ACOX1: variants seen among roughly 807,000 people sequenced by gnomAD.
ACOX1 encodes peroxisomal acyl-coenzyme A oxidase 1.
ACOX1 carries 41 observed loss-of-function variants against 75.5 expected under a neutral mutation model. That is an observed-to-expected ratio of 0.54 (90% confidence interval 0.42 to 0.70). The LOEUF is 0.70. Among genes scored for constraint, ACOX1 ranks in the 30% least tolerant of loss-of-function variants. ACOX1 has a pLI of 0.00. For synonymous variants in ACOX1, 303 were observed against 298.8 expected, an observed-to-expected ratio of 1.01 and a Z score of -0.15; for missense variants, 630 against 837.5, an observed-to-expected ratio of 0.75 and a Z score of 3.06.
chr17:75,944,001 C>G lies in ACOX1; in HGVS notation c.*2747G>C, dbSNP rs933461460. On this transcript the variant is annotated 3_prime_UTR_variant, in exon 14 of 14. Coordinates refer to ENST00000293217, the MANE Select transcript of ACOX1 (RefSeq NM_004035.7). ...ATCTCAGCACTTTGGGAGGCTGAGGCGAAATGATCGCTTGAGCCCAGGAGT... is the reference window on the plus strand; with the variant it reads ...ATCTCAGCACTTTGGGAGGCTGAGGGGAAATGATCGCTTGAGCCCAGGAGT... 6.6e-6 allele frequency: 1 copy of G among 152,134 alleles called. No homozygotes were observed. The highest frequency in any genetic ancestry group is 1.5e-5 in the Non-Finnish European group (1 of 68,056). The allele number at this position is 152,134 out of a possible 1,614,324, so 9.4% of individuals were successfully genotyped here.
intron 2 of ACOX1, among the ~76,000 whole-genome samples, chr17:75,969,154 C>CTTAT (rs543142027): frequency 6.6e-4 from 100 of 152,056 alleles, no homozygotes; most frequent in Middle Eastern, 3.4e-3. Context: ...AATACAGCGT[C>CTTAT]TTATTTATTT....
chr17:75,977,387 G>A (rs1026422405), intron 2 of ACOX1, among the ~76,000 whole-genome samples: 4 of 151,790 alleles, frequency 2.6e-5, no homozygotes, highest in African/African-American at 7.3e-5. Flanking sequence ...GCAACATGGC[G>A]AAACCCCATC....
At chr17:75,977,515 G>C (rs890239809) in intron 2 of ACOX1, among the ~76,000 whole-genome samples, 2 of 152,054 alleles carry the variant, frequency 1.3e-5, no homozygotes, top group Non-Finnish European at 2.9e-5. Flanking sequence ...GGAGTGAGCC[G>C]AGATCGTGCC....
intron 6 of ACOX1, among the ~76,000 whole-genome samples, chr17:75,955,132 G>C (rs909918239): frequency 4.6e-5 from 7 of 151,092 alleles, no homozygotes; most frequent in African/African-American, 1.7e-4. Flanking sequence ...CCTCCCAAAA[G>C]TGCTGGAATT....
Position 75,960,171 on chromosome 17 carries a change from A to G in ACOX1, c.430+44T>C, listed in dbSNP as rs933768341. 1 of 1,612,656 alleles carries G rather than the reference A, an allele frequency of 6.2e-7. No homozygotes were observed. The highest frequency in any genetic ancestry group is 8.5e-7 in the Non-Finnish European group (1 of 1,179,448). On this transcript the variant is annotated intron_variant, in intron 3 of 13. Coordinates refer to ENST00000293217, the MANE Select transcript of ACOX1 (RefSeq NM_004035.7). This position sits in a 1 kb window ranked among gnomAD's most constrained non-coding sequence, Gnocchi z 4.4. ...TGGGCACTCCACACATGGTAAGCTC[A>G]CAGGGGCCCGCCCAACCCAGAAGGT...
At chr17:75,962,965 T>C (rs1357827327) in intron 2 of ACOX1, among the ~76,000 whole-genome samples, 1 of 151,980 alleles carries the variant, frequency 6.6e-6, no homozygotes, top group African/African-American at 2.4e-5. Context: ...ACCCCATCTC[T>C]ACTAAAAATA....
intron 3 of ACOX1, among the ~76,000 whole-genome samples, chr17:75,958,807 CAAAAAAA>C (rs60077017): frequency 1.2e-5 from 1 of 86,376 alleles, no homozygotes; most frequent in East Asian, 3.2e-4. Flanking sequence ...GACTCCGTCT[CAAAAAAA>C]AAAAAAAAAA....
intron 6 of ACOX1, 148 bp from the exon 7 acceptor site, chr17:75,953,768 A>G: frequency 1.0e-6 from 1 of 959,438 alleles, no homozygotes; most frequent in Non-Finnish European, 1.6e-6. Context: ...ACCCTGACCA[A>G]CTGAATCAGA....
At position 75,945,454 on chromosome 17, in the gene ACOX1, G is replaced by A. The variant is rs1351941746; in HGVS notation, c.*1294C>T. On this transcript the variant is annotated 3_prime_UTR_variant, in exon 14 of 14. Coordinates refer to ENST00000293217, the MANE Select transcript of ACOX1 (RefSeq NM_004035.7). ...CCAGGATAGATAGATATTATGTCAG[G>A]TCCCAAGATAGGAGTTATGTTTCCA... 1 of 151,994 alleles carries A rather than the reference G, an allele frequency of 6.6e-6. No homozygotes were observed. The highest frequency in any genetic ancestry group is 1.9e-4 in the East Asian group (1 of 5,186). The allele number at this position is 151,994 out of a possible 1,614,324, so 9.4% of individuals were successfully genotyped here.
chr17:75,965,913 T>C (rs1168871346), intron 2 of ACOX1, among the ~76,000 whole-genome samples: 2 of 151,446 alleles, frequency 1.3e-5, no homozygotes, highest in Non-Finnish European at 2.9e-5. Context: ...GCAGATCACC[T>C]GAGGTCAAGA....
At chr17:75,956,019 AAAG>A in intron 4 of ACOX1, 72 bp from the exon 5 acceptor site, 1 of 1,598,506 alleles carries the variant, frequency 6.3e-7, no homozygotes, top group Non-Finnish European at 8.6e-7. Flanking sequence ...AAAAAAGAAG[AAAG>A]AATATGTTAA....
chr17:75,953,722 C>G, intron 6 of ACOX1, 102 bp from the exon 7 acceptor site: 3 of 1,373,280 alleles, frequency 2.2e-6, no homozygotes, highest in Non-Finnish European at 3.1e-6. Flanking sequence ...TCAGCATCAC[C>G]TGGCAACTTG....
intron 7 of ACOX1, 21 bp from the exon 8 acceptor site, chr17:75,951,598 A>G (rs1252198477): frequency 6.2e-7 from 1 of 1,613,380 alleles, no homozygotes; most frequent in Middle Eastern, 1.7e-4. Flanking sequence ...TAGAAAAAGA[A>G]AAAAAGTAGT....
chr17:75,960,183 C>T lies in ACOX1; in HGVS notation c.430+32G>A. 6.2e-7 allele frequency: 1 copy of T among 1,613,578 alleles called. No individual in the cohort carries two copies. Among genetic ancestry groups the T allele is most frequent in the Non-Finnish European group, 8.5e-7 (1 of 1,179,806 alleles). On this transcript the variant is annotated intron_variant, in intron 3 of 13. Transcript: ENST00000293217. This position sits in a 1 kb window ranked among gnomAD's most constrained non-coding sequence, Gnocchi z 4.4. ...ACATGGTAAGCTCACAGGGGCCCGC[C>T]CAACCCAGAAGGTAGACTGAATACT...
chr17:75,954,494 G>C (rs2065804548), intron 6 of ACOX1, among the ~76,000 whole-genome samples: 1 of 138,200 alleles, frequency 7.2e-6, no homozygotes. Flanking sequence ...CTGCACTCCA[G>C]CATGGGTGAC....
intron 2 of ACOX1, chr17:75,973,624 C>T (rs2066017088): frequency 1.2e-6 from 2 of 1,614,172 alleles, no homozygotes; most frequent in South Asian, 1.1e-5. Flanking sequence ...TGTGGACTAA[C>T]CGTGGCCCAT....
Position 75,961,981 on chromosome 17 carries a change from T to C in ACOX1, c.270-1606A>G, listed in dbSNP as rs149490827. 3.3e-3 allele frequency among the ~76,000 whole-genome samples: 508 copies of C among 152,198 alleles called. 3 individuals are homozygous for C. Among genetic ancestry groups the C allele is most frequent in the African/African-American group, 0.012 (493 of 41,524 alleles). The stretch of plus-strand genomic sequence containing the variant: ...TCAGAGTGACAGTATGACCCCCAGA[T>C]TATAGTTTTTCCTCGATGCAATTTC... On this transcript the variant is annotated intron_variant, in intron 2 of 13. Coordinates refer to ENST00000293217, the MANE Select transcript of ACOX1 (RefSeq NM_004035.7).
chr17:75,973,564 G>A, intron 2 of ACOX1: 1 of 1,567,116 alleles, frequency 6.4e-7, no homozygotes, highest in Non-Finnish European at 8.8e-7. Flanking sequence ...TCAAATGCCA[G>A]CAATCACTGT....
chr17:75,949,453 G>A lies in ACOX1; in HGVS notation c.1584+42C>T, dbSNP rs755164120. 98 of 1,609,688 alleles carry A rather than the reference G, an allele frequency of 6.1e-5. 1 individual carries two copies. Among genetic ancestry groups the A allele is most frequent in the Non-Finnish European group, 7.7e-5 (91 of 1,176,876 alleles). On this transcript the variant is annotated intron_variant, in intron 11 of 13. Transcript: ENST00000293217. ...GTTTCTGTACCAGAAAATGCGGGAT[G>A]CTGAGGGCAGGGAAGGGGAAAAAGA...
Sources: allele counts gnomAD v4.1 joint callset (sites outside exome capture counted in the v4.1 genomes callset), GRCh38; gene constraint gnomAD v4.1.1; non-coding constraint Gnocchi (gnomAD v3.1); transcripts MANE v1.5; gene names NCBI Gene and HGNC (gene_info 2026-07-23, HGNC 2026-07-21).